Variants in CLTCL1 observed in about 807,000 individuals in gnomAD.
The protein encoded by CLTCL1 is clathrin heavy chain like 1, also known as clathrin heavy chain 2.
In CLTCL1, 159 loss-of-function variants were observed where a neutral mutation model predicts 190.0. The ratio of observed to expected loss-of-function variants is 0.84; its 90% CI spans 0.74 to 0.95. The LOEUF is 0.95. Among genes scored for constraint, CLTCL1 ranks in the 40% least tolerant of loss-of-function variants. The probability of loss-of-function intolerance (pLI) is 0.00; values close to 1 mark genes in which losing one functional copy is unlikely to be tolerated. For synonymous variants in CLTCL1, 752 were observed against 769.6 expected (o/e 0.98, Z 0.38); for missense variants, 1,878 against 2,033.4 (o/e 0.92, Z 1.47).
intron 29 of CLTCL1, among the ~76,000 whole-genome samples, chr22:19,185,316 C>T (rs554773944): frequency 3.6e-4 from 53 of 146,938 alleles, no homozygotes; most frequent in Admixed American, 1.1e-3. Flanking sequence ...GAAGCGCGCT[C>T]GGCCACTTTC....
At chr22:19,246,069 T>C (rs564547041) in intron 3 of CLTCL1, among the ~76,000 whole-genome samples, 31 of 152,294 alleles carry the variant, frequency 2.0e-4, no homozygotes, top group African/African-American at 7.2e-4. Flanking sequence ...TAACTTTTTT[T>C]TATTTTTTGA....
intron 2 of CLTCL1, among the ~76,000 whole-genome samples, chr22:19,269,896 T>C (rs2087248812): frequency 6.6e-6 from 1 of 150,670 alleles, no homozygotes; most frequent in Admixed American, 6.6e-5. Flanking sequence ...TGTATACCTA[T>C]GTAATAAACC....
intron 13 of CLTCL1, 90 bp downstream of exon 13, chr22:19,225,363 A>G: frequency 7.3e-7 from 1 of 1,365,842 alleles, no homozygotes. Flanking sequence ...CTTTGCAGGA[A>G]GGCCGTCTTA....
At chr22:19,282,157 C>T (rs367938398) in intron 1 of CLTCL1, among the ~76,000 whole-genome samples, 105 of 151,976 alleles carry the variant, frequency 6.9e-4, no homozygotes, top group East Asian at 4.3e-3. Context: ...GGTGAAACCC[C>T]GTCTCTACTA....
In CLTCL1 at chr22:19,252,842, A is replaced by G. The variant is rs533395382; in HGVS notation, c.519+1117T>C. The stretch of plus-strand genomic sequence containing the variant: ...ATCCTGGCTAACACGGAGAAACCCC[A>G]TCTCTACTAAAAATACAAAAAATTA... On this transcript the variant is annotated intron_variant, in intron 3 of 32. Coordinates refer to ENST00000427926, the MANE Select transcript of CLTCL1 (RefSeq NM_007098.4). Among the ~76,000 whole-genome samples, 1,376 of 152,138 alleles carry G rather than the reference A, an allele frequency of 9.0e-3. 7 individuals are homozygous for G. The highest frequency in any genetic ancestry group is 0.011 in the Non-Finnish European group (775 of 67,976).
rs782277550 is a variant in CLTCL1, at chr22:19,222,060, C to G, written c.2452G>C (p.Gly818Arg). ...NPSRTPAVIG[G>R]LLDVDCSEEV... ...TCAGAACAATCCACATCAAGCAGCC[C>G]TCCAATCACAGCTGGGGTCCGGCTA... is the stretch of plus-strand genomic sequence containing the variant. The change falls in exon 16 of 33, where the codon GGG becomes CGG. Residue 818 changes from glycine to arginine, a missense_variant. Gly to Arg is a moderately radical substitution (Grantham distance 125). Coordinates refer to ENST00000427926, the MANE Select transcript of CLTCL1 (RefSeq NM_007098.4). The G allele has an allele frequency of 1.2e-6, 2 of 1,614,012 alleles. No homozygotes were observed. Among genetic ancestry groups the G allele is most frequent in the South Asian group, 2.2e-5 (2 of 91,088 alleles).
At chr22:19,257,867 C>G (rs782414288) in intron 2 of CLTCL1, 1 of 1,405,136 alleles carries the variant, frequency 7.1e-7, no homozygotes. Flanking sequence ...ACCGGGAGCA[C>G]CTGGAGAAGA....
At chr22:19,241,107 G>A (rs993882657) in intron 4 of CLTCL1, among the ~76,000 whole-genome samples, 7 of 152,336 alleles carry the variant, frequency 4.6e-5, no homozygotes, top group Non-Finnish European at 7.4e-5. Context: ...TCAGGAAACC[G>A]CATTTCCCAG....
chr22:19,210,117 C>T (rs529479644), intron 20 of CLTCL1, among the ~76,000 whole-genome samples: 1 of 152,126 alleles, frequency 6.6e-6, no homozygotes, highest in Admixed American at 6.5e-5. Context: ...AGACTAACAG[C>T]CAATGGAAGG....
intron 2 of CLTCL1, among the ~76,000 whole-genome samples, chr22:19,262,631 CAAA>C (rs35467856): frequency 1.2e-4 from 16 of 137,172 alleles, no homozygotes; most frequent in Non-Finnish European, 9.5e-5. Flanking sequence ...GACTCTGTCT[CAAA>C]AAAAAAAAAA....
chr22:19,187,446 G>C (rs1555928854), intron 29 of CLTCL1, 112 bp downstream of exon 29: 1 of 1,078,530 alleles, frequency 9.3e-7, no homozygotes, highest in African/African-American at 1.6e-5. Context: ...GGATCCCCTG[G>C]TGAAGCTCAG....
chr22:19,233,542 C>T lies in CLTCL1; in HGVS notation c.1248G>A (p.Gln416=), dbSNP rs782598261. 1.2e-6 allele frequency: 2 copies of T among 1,613,946 alleles called. No individual in the cohort carries two copies. The highest frequency in any genetic ancestry group is 1.7e-6 in the Non-Finnish European group (2 of 1,179,894). The change falls in exon 8 of 33, where the codon CAG becomes CAA. Residue 416 remains glutamine, a synonymous_variant. Coordinates refer to ENST00000427926, the MANE Select transcript of CLTCL1 (RefSeq NM_007098.4). The part of the protein sequence containing the change: ...AQSGQASPLL[Q]YFGILLDQGQ... ...CCTGGTCGAGCAGGATTCCGAAGTA[C>T]TGCAGCAATGGAGAAGCCTGGCCAG... is the stretch of plus-strand genomic sequence containing the variant.
intron 2 of CLTCL1, among the ~76,000 whole-genome samples, chr22:19,264,819 G>C (rs1321700588): frequency 6.6e-6 from 1 of 151,114 alleles, no homozygotes; most frequent in Non-Finnish European, 1.5e-5. Flanking sequence ...ACAGAGTTTC[G>C]CTTTTGGGGC....
At chr22:19,183,743 C>G (rs1349119365) in intron 29 of CLTCL1, 132 bp from the exon 30 acceptor site, 2 of 870,668 alleles carry the variant, frequency 2.3e-6, no homozygotes, top group Admixed American at 2.2e-5. Flanking sequence ...CAAGCCTGGA[C>G]CCATGGCTGG....
At chr22:19,283,602 C>T (rs1277954473) in intron 1 of CLTCL1, among the ~76,000 whole-genome samples, 1 of 151,992 alleles carries the variant, frequency 6.6e-6, no homozygotes, top group African/African-American at 2.4e-5. Context: ...TTTTAAATGG[C>T]ATATATAAGA....
At chr22:19,241,337 T>G (rs1244279933) in intron 4 of CLTCL1, among the ~76,000 whole-genome samples, 1 of 152,208 alleles carries the variant, frequency 6.6e-6, no homozygotes, top group Non-Finnish European at 1.5e-5. Flanking sequence ...CTGCTGCATC[T>G]GTAAAGGAGA....
chr22:19,216,265 A>G lies in CLTCL1; in HGVS notation c.2920-9T>C. The G allele has an allele frequency of 1.2e-6, 2 of 1,612,994 alleles. No individual in the cohort carries two copies. Among genetic ancestry groups the G allele is most frequent in the Non-Finnish European group, 8.5e-7 (1 of 1,179,438 alleles). ...AATGCTGTCTGTACCACCTGGTTTT[A>G]AAAAGCATTTGAAAGAACTTGATTA... On this transcript the variant is annotated splice_polypyrimidine_tract_variant and intron_variant, in intron 18 of 32. Coordinates refer to ENST00000427926, the MANE Select transcript of CLTCL1 (RefSeq NM_007098.4).
intron 3 of CLTCL1, among the ~76,000 whole-genome samples, chr22:19,246,204 C>T (rs1555967859): frequency 6.6e-6 from 1 of 151,742 alleles, no homozygotes; most frequent in Non-Finnish European, 1.5e-5. Context: ...GGACTACAGG[C>T]GCCTGCCACC....
Position 19,196,585 on chromosome 22 carries a change from G to A in CLTCL1, c.3945C>T (p.Gly1315=), listed in dbSNP as rs782576583. ...AGAGGATGGCCAGCTCAGTGAACATGCCCATGTGGGCCCGCTCCAGGCCCA... is the reference window on the plus strand; with the variant it reads ...AGAGGATGGCCAGCTCAGTGAACATACCCATGTGGGCCCGCTCCAGGCCCA... ...AALGLERAHM[G]MFTELAILYS... Residue 1315 remains glycine, a synonymous_variant, in exon 25 of 33, where the codon GGC becomes GGT. Coordinates refer to ENST00000427926, the MANE Select transcript of CLTCL1 (RefSeq NM_007098.4). 8 of 1,613,702 alleles carry A rather than the reference G, an allele frequency of 5.0e-6. No homozygotes were observed. The South Asian group carries it at 8.8e-5, about 18-fold the overall frequency.
Sources: gnomAD v4.1 joint callset for allele counts (sites outside exome capture counted in the v4.1 genomes callset) on GRCh38, gnomAD v4.1.1 for gene constraint, MANE v1.5 for transcripts, NCBI Gene and HGNC (gene_info 2026-07-23, HGNC 2026-07-21) for gene names.